Variants in TNR observed in about 807,000 individuals in gnomAD.
TNR encodes tenascin R, also known as tenascin-R.
TNR carries 45 observed loss-of-function variants against 150.4 expected under a neutral mutation model. The observed-to-expected ratio is 0.30, with a 90% CI of 0.24 to 0.38. TNR has a LOEUF of 0.38. TNR is among the 10% of genes least tolerant of loss of function. The pLI, the probability that TNR is intolerant of heterozygous loss-of-function variation, is 1.00. For synonymous variants in TNR, 687 were observed against 678.4 expected, an observed-to-expected ratio of 1.01 and a Z score of -0.20; for missense variants, 1,544 against 1,759.1, an observed-to-expected ratio of 0.88 and a Z score of 2.19.
chr1:175,686,618 G>A (rs936238216), intron 1 of TNR, among the ~76,000 whole-genome samples: 1 of 152,156 alleles, frequency 6.6e-6, no homozygotes, highest in African/African-American at 2.4e-5. Context: ...TACCCAATAG[G>A]TAGTTTTTTA....
At chr1:175,374,459 T>G (rs1652276790) in intron 9 of TNR, among the ~76,000 whole-genome samples, 1 of 152,070 alleles carries the variant, frequency 6.6e-6, no homozygotes, top group African/African-American at 2.4e-5. Context: ...AGTGTGTGCA[T>G]GTGTGTATGA....
At position 175,586,856 on chromosome 1, in the gene TNR, T is replaced by A. The variant is rs80206441; in HGVS notation, c.-164-58487A>T. On this transcript the variant is annotated intron_variant, in intron 1 of 22. Transcript: ENST00000367674. ...AACAATGTGAAGTCATTCTGGTCAC[T>A]TCAGGCAAAGAGACCAAAGTTGTAG... 1.7e-3 allele frequency among the ~76,000 whole-genome samples: 265 copies of A among 152,332 alleles called. 4 individuals carry two copies. The East Asian group carries it at 0.042, about 24-fold the overall frequency.
chr1:175,682,919 T>C (rs1666080817), intron 1 of TNR, among the ~76,000 whole-genome samples: 2 of 152,212 alleles, frequency 1.3e-5, no homozygotes, highest in East Asian at 1.9e-4. Context: ...GGAAGTATTC[T>C]ATGTGTAGCT....
In TNR at chr1:175,351,576, C is replaced by T. The variant is rs556849163; in HGVS notation, c.3382+2815G>A. Among the ~76,000 whole-genome samples, 14 of 152,304 alleles carry T rather than the reference C, an allele frequency of 9.2e-5. No individual in the cohort carries two copies. In the South Asian group the frequency reaches 2.7e-3, roughly 29 times the overall value. ...GCTGAGATTTGACTATTCAATTTAA[C>T]CAGTGTCTATTATGTCTGGTATGTG... On this transcript the variant is annotated intron_variant, in intron 18 of 22. Transcript: ENST00000367674.
intron 2 of TNR, among the ~76,000 whole-genome samples, chr1:175,446,646 T>C (rs1656058272): frequency 6.6e-6 from 1 of 152,210 alleles, no homozygotes; most frequent in South Asian, 2.1e-4. Flanking sequence ...CAATATTTTC[T>C]AACTTTTTTG....
chr1:175,680,546 G>C (rs980076457), intron 1 of TNR, among the ~76,000 whole-genome samples: 1 of 152,164 alleles, frequency 6.6e-6, no homozygotes, highest in African/African-American at 2.4e-5. Context: ...TCGGAGTAGA[G>C]AGATGAGAGA....
intron 2 of TNR, among the ~76,000 whole-genome samples, chr1:175,495,992 G>A (rs1472700960): frequency 6.6e-6 from 1 of 152,132 alleles, no homozygotes; most frequent in Non-Finnish European, 1.5e-5. Context: ...TTATACTGCG[G>A]GGAGAGCCTT....
At chr1:175,563,399 C>A (rs16848635) in intron 1 of TNR, among the ~76,000 whole-genome samples, 14,314 of 152,218 alleles carry the variant, frequency 0.094, 726 homozygotes, top group Middle Eastern at 0.14. Context: ...GCAATCCCCA[C>A]GAAAGCACTT....
intron 2 of TNR, among the ~76,000 whole-genome samples, chr1:175,520,909 C>T (rs1659612354): frequency 2.0e-5 from 3 of 152,174 alleles, no homozygotes; most frequent in African/African-American, 7.2e-5. Flanking sequence ...ATTCTACTAA[C>T]ATAACCAGCA....
intron 2 of TNR, among the ~76,000 whole-genome samples, chr1:175,524,835 C>T (rs1199182058): frequency 6.6e-6 from 1 of 152,178 alleles, no homozygotes; most frequent in Non-Finnish European, 1.5e-5. Context: ...GACAAGCAGT[C>T]GCCTGTTAGA....
chr1:175,455,777 C>T (rs929499098), intron 2 of TNR, among the ~76,000 whole-genome samples: 2 of 152,158 alleles, frequency 1.3e-5, no homozygotes, highest in Non-Finnish European at 2.9e-5. Flanking sequence ...CACCTGGGCT[C>T]CTTGTCAGGC....
Position 175,515,330 on chromosome 1 carries a change from T to C in TNR, c.-64+12939A>G, listed in dbSNP as rs1162511891. ...AGAGAAAGATCTGTGCTCCCGCATA[T>C]AGTATTGAATGCTCTGTTCAATAAT... On this transcript the variant is annotated intron_variant, in intron 2 of 22. Transcript: ENST00000367674. Among the ~76,000 whole-genome samples, 3 of 152,318 alleles carry C rather than the reference T, an allele frequency of 2.0e-5. No homozygotes were observed. In the East Asian group the frequency reaches 5.8e-4, roughly 29 times the overall value.
intron 2 of TNR, among the ~76,000 whole-genome samples, chr1:175,503,783 TC>T (rs1658838744): frequency 2.0e-5 from 3 of 152,134 alleles, no homozygotes; most frequent in Admixed American, 1.3e-4. Context: ...CTGTAACAGA[TC>T]CTGGGAGGAG....
chr1:175,717,968 AGCC>A (rs1405066349), intron 1 of TNR, among the ~76,000 whole-genome samples: 2 of 152,192 alleles, frequency 1.3e-5, no homozygotes, highest in Non-Finnish European at 2.9e-5. Flanking sequence ...ACAAGGACTG[AGCC>A]TGGAGATTGT....
At chr1:175,547,793 C>T (rs1660772012) in intron 1 of TNR, among the ~76,000 whole-genome samples, 1 of 152,144 alleles carries the variant, frequency 6.6e-6, no homozygotes, top group African/African-American at 2.4e-5. Context: ...ATGAGAAGTG[C>T]AAGTCAGTGG....
intron 2 of TNR, among the ~76,000 whole-genome samples, chr1:175,412,758 A>G (rs1223617538): frequency 6.6e-6 from 1 of 152,176 alleles, no homozygotes; most frequent in East Asian, 1.9e-4. Flanking sequence ...AGGCAGAGAA[A>G]GAAGATAGAA....
chr1:175,668,636 C>A (rs1013956793), intron 1 of TNR, among the ~76,000 whole-genome samples: 5 of 152,164 alleles, frequency 3.3e-5, no homozygotes, highest in African/African-American at 1.2e-4. Context: ...GGGACTTACA[C>A]CGGACACAGC....
At chr1:175,331,103 C>T (rs10912959) in intron 20 of TNR, among the ~76,000 whole-genome samples, 17,855 of 52,774 alleles carry the variant, frequency 0.34, 4,122 homozygotes, top group African/African-American at 0.38. Flanking sequence ...CTTTCTTTCT[C>T]TCTCTCTTTC....
intron 2 of TNR, among the ~76,000 whole-genome samples, chr1:175,495,763 G>A (rs965647831): frequency 2.6e-5 from 4 of 152,340 alleles, no homozygotes; most frequent in African/African-American, 9.6e-5. Flanking sequence ...AGGCAGAGTG[G>A]TACTCATGAT....
Sources: gnomAD v4.1 joint callset for allele counts (sites outside exome capture counted in the v4.1 genomes callset) on GRCh38, gnomAD v4.1.1 for gene constraint, MANE v1.5 for transcripts, NCBI Gene and HGNC (gene_info 2026-07-23, HGNC 2026-07-21) for gene names.